The following ACTR8 variants were observed in gnomAD, a reference collection of about 807,000 sequenced individuals.
The protein encoded by ACTR8 is actin-related protein 8.
ACTR8 carries 70 observed loss-of-function variants against 84.3 expected under a neutral mutation model. The observed-to-expected ratio is 0.83, with a 90% confidence interval of 0.68 to 1.01. ACTR8 has a LOEUF of 1.01. Among genes scored for constraint, ACTR8 ranks in the 50% least tolerant of loss-of-function variants. The pLI, the probability that ACTR8 is intolerant of heterozygous loss-of-function variation, is 0.00. For missense variants in ACTR8, 672 were observed against 775.4 expected (o/e 0.87, Z 1.58); for synonymous variants, 268 against 275.2 (o/e 0.97, Z 0.26).
At chr3:53,875,839 T>G (rs975784335) in intron 7 of ACTR8, 109 bp downstream of exon 7, 2 of 1,497,860 alleles carry the variant, frequency 1.3e-6, no homozygotes, top group Non-Finnish European at 1.8e-6. Flanking sequence ...TGCAGACTTT[T>G]GAATTTATGG....
chr3:53,865,068 C>T (rs747392178), downstream of ACTR8: 2 of 1,614,124 alleles, frequency 1.2e-6, no homozygotes, highest in Non-Finnish European at 1.7e-6. Context: ...AAGACCTCTT[C>T]CCCCTTGCCT....
intron 1 of ACTR8, among the ~76,000 whole-genome samples, chr3:53,881,379 G>A (rs146708500): frequency 2.5e-3 from 379 of 152,294 alleles, no homozygotes; most frequent in Non-Finnish European, 4.7e-3. Flanking sequence ...CCTCTGCCAG[G>A]CACGCTACTG....
chr3:53,866,385 A>C (rs934220976), downstream of ACTR8, among the ~76,000 whole-genome samples: 1 of 152,192 alleles, frequency 6.6e-6, no homozygotes, highest in East Asian at 1.9e-4. Flanking sequence ...TGTCTAAAAC[A>C]AACAAACGAA....
At chr3:53,873,495 A>G (rs1699919409) in intron 8 of ACTR8, among the ~76,000 whole-genome samples, 1 of 152,248 alleles carries the variant, frequency 6.6e-6, no homozygotes, top group South Asian at 2.1e-4. Flanking sequence ...AAACAAAAAA[A>G]GGATACCAAT....
chr3:53,873,727 C>A (rs569683085), intron 8 of ACTR8, among the ~76,000 whole-genome samples: 30 of 152,182 alleles, frequency 2.0e-4, no homozygotes, highest in Admixed American at 1.8e-3. Context: ...CCTCACTGCT[C>A]GGACTTTAGC....
intron 9 of ACTR8, 34 bp downstream of exon 9, chr3:53,872,998 T>C (rs112959751): frequency 6.6e-7 from 1 of 1,513,486 alleles, no homozygotes; most frequent in South Asian, 1.2e-5. Flanking sequence ...GATAACTTTC[T>C]TTCTACCCAT....
rs753127053 is a variant in ACTR8 at position 53,872,379 on chromosome 3, C to A, written c.1302+5G>T. 3.8e-6 allele frequency: 6 copies of A among 1,577,160 alleles called. No individual in the cohort carries two copies. Among genetic ancestry groups the A allele is most frequent in the Non-Finnish European group, 5.1e-6 (6 of 1,165,464 alleles). ...CTCTCTTCTCCTACCAGAATTGCTA[C>A]GGACCTGTTCTTGTTTGCTCTGTGT... On this transcript the variant is annotated splice_donor_5th_base_variant and intron_variant, in intron 10 of 12. Coordinates refer to ENST00000335754, the MANE Select transcript of ACTR8 (RefSeq NM_022899.5).
Position 53,868,830 on chromosome 3 carries a change from T to C in ACTR8, c.1764A>G (p.Gly588=). The change falls in exon 13 of 13, where the codon GGA becomes GGG. Residue 588 remains glycine, a synonymous_variant. Coordinates refer to ENST00000335754, the MANE Select transcript of ACTR8 (RefSeq NM_022899.5). Reference sequence around the variant, plus strand: ...TATCCAAACAAGCCAACACTGCCCCTCCTTTCCATGCAATCAGCCGGGGGT... The same window carrying C: ...TATCCAAACAAGCCAACACTGCCCCCCCTTTCCATGCAATCAGCCGGGGGT... ...DMDPRLIAWK[G]GAVLACLDTT... 6.2e-7 allele frequency: 1 copy of C among 1,614,108 alleles called. No individual in the cohort carries two copies. The highest frequency in any genetic ancestry group is 8.5e-7 in the Non-Finnish European group (1 of 1,180,008).
downstream of ACTR8, among the ~76,000 whole-genome samples, chr3:53,863,053 T>C (rs1699624143): frequency 6.6e-6 from 1 of 152,214 alleles, no homozygotes; most frequent in Non-Finnish European, 1.5e-5. Flanking sequence ...TCCACTTCCA[T>C]TTAATGAATT....
At chr3:53,872,638 G>T in intron 9 of ACTR8, 114 bp from the exon 10 acceptor site, 1 of 1,261,414 alleles carries the variant, frequency 7.9e-7, no homozygotes, top group Non-Finnish European at 1.1e-6. Context: ...CCCTAAGTTA[G>T]ACTGGGCAAT....
chr3:53,873,340 T>A (rs1291012939), intron 8 of ACTR8, among the ~76,000 whole-genome samples: 1 of 152,238 alleles, frequency 6.6e-6, no homozygotes, highest in Non-Finnish European at 1.5e-5. Flanking sequence ...TTGCATTATT[T>A]GTTTTCTCCA....
At chr3:53,860,403 A>C in the ACTR8 span, 1 of 455,404 alleles carries the variant, frequency 2.2e-6, no homozygotes. Context: ...ACTGGATTAC[A>C]CATGCCAGGT....
chr3:53,862,503 C>T (rs144306323), downstream of ACTR8, among the ~76,000 whole-genome samples: 104 of 152,226 alleles, frequency 6.8e-4, no homozygotes, highest in African/African-American at 2.4e-3. Context: ...TACAACAGAG[C>T]CAATCAAGGA....
downstream of ACTR8, among the ~76,000 whole-genome samples, chr3:53,863,333 C>T (rs1210551256): frequency 6.6e-6 from 1 of 152,094 alleles, no homozygotes; most frequent in Non-Finnish European, 1.5e-5. Flanking sequence ...TTGCTAACTT[C>T]AAAACATGGA....
chr3:53,877,373 A>C lies in ACTR8; in HGVS notation c.525T>G (p.Asn175Lys). Residue 175 changes from asparagine (N) to lysine (K), a missense_variant, in exon 5 of 13, where the codon AAT (asparagine) becomes AAG (lysine). Physicochemically the swap from Asn to Lys is moderately conservative, Grantham distance 94 (BLOSUM62 0). Transcript: ENST00000335754. ...AGTGAATATTGTAACAGTCCAGTGGATTAACATACAAGGCCTAGAAAAGGA... is the reference window on the plus strand; with the variant it reads ...AGTGAATATTGTAACAGTCCAGTGGCTTAACATACAAGGCCTAGAAAAGGA... ...YLVGEEALYV[N>K]PLDCYNIHWP... 2 of 1,605,518 alleles carry C rather than the reference A, an allele frequency of 1.2e-6. No individual in the cohort carries two copies. Among genetic ancestry groups the C allele is most frequent in the Non-Finnish European group, 1.7e-6 (2 of 1,177,062 alleles).
In ACTR8 at chr3:53,870,363, T is replaced by C; in HGVS notation, c.1568-218A>G. On this transcript the variant is annotated intron_variant, in intron 11 of 12. Coordinates refer to ENST00000335754, the MANE Select transcript of ACTR8 (RefSeq NM_022899.5). This position sits in a 1 kb window ranked among gnomAD's most constrained non-coding sequence, Gnocchi z 4.1. ...ACTTGCAGGATTAGGATCAAAATCT[T>C]TAAAGGAGGCCGAGCATGGTGGCTC... 14 of 569,716 alleles carry C rather than the reference T, an allele frequency of 2.5e-5. 1 individual carries two copies. In the South Asian group the frequency reaches 3.2e-4, roughly 13 times the overall value. 35.3% of individuals were successfully genotyped at this position (569,716 alleles called of 1,614,324 possible).
chr3:53,865,574 C>T (rs3774626), downstream of ACTR8: 22,956 of 405,178 alleles, frequency 0.057, 1,203 homozygotes, highest in Admixed American at 0.17. Context: ...GATAATGCAA[C>T]AATAAAGCAT....
At chr3:53,865,254 G>A (rs1178050782), downstream of ACTR8, 3 of 1,611,772 alleles carry the variant, frequency 1.9e-6, no homozygotes, top group African/African-American at 4.0e-5. Flanking sequence ...TCAAGCAGCA[G>A]GTGTCAGCAG....
In ACTR8 at chr3:53,868,186, GA is replaced by G. The variant is rs11339566; in HGVS notation, c.*532del. ...CTTTTTCTGTAATCCAACAGAAAAT[GA>G]AAAAAAAAACAAAAACCACCAAAAC... On this transcript the variant is annotated 3_prime_UTR_variant, in exon 13 of 13. Coordinates refer to ENST00000335754, the MANE Select transcript of ACTR8 (RefSeq NM_022899.5). 134,529 of 149,478 alleles carry G rather than the reference GA, an allele frequency of 0.9. 60,739 individuals are homozygous for G. Among genetic ancestry groups the G allele is most frequent in the Middle Eastern group, 0.96 (283 of 294 alleles). The allele number at this position is 149,478 out of a possible 1,614,324, so 9.3% of individuals were successfully genotyped here.
Sources: allele counts gnomAD v4.1 joint callset (sites outside exome capture counted in the v4.1 genomes callset), GRCh38; gene constraint gnomAD v4.1.1; non-coding constraint Gnocchi (gnomAD v3.1); transcripts MANE v1.5; gene names NCBI Gene and HGNC (gene_info 2026-07-23, HGNC 2026-07-21).